The following SETDB2 variants were observed in gnomAD, a reference collection of about 807,000 sequenced individuals.
SETDB2 encodes the protein histone-lysine N-methyltransferase SETDB2.
In SETDB2, 56 loss-of-function variants were observed where a neutral mutation model predicts 82.5. The observed-to-expected ratio is 0.68, with a 90% confidence interval of 0.55 to 0.85. SETDB2 has a LOEUF of 0.85. Ranked by LOEUF, SETDB2 falls within the 40% of genes least tolerant of loss-of-function variation. The pLI, the probability that SETDB2 is intolerant of heterozygous loss-of-function variation, is 0.00. For missense variants in SETDB2, 677 were observed against 816.4 expected, an observed-to-expected ratio of 0.83 and a Z score of 2.08; for synonymous variants, 272 against 284.9, an observed-to-expected ratio of 0.95 and a Z score of 0.46.
At chr13:49,464,151 G>A (rs1010804499) in intron 4 of SETDB2, 2 of 728,690 alleles carry the variant, frequency 2.7e-6, no homozygotes, top group Admixed American at 3.9e-5. Context: ...AGATAAATGG[G>A]TCCTATGAGA....
At chr13:49,451,047 C>T (rs1957776050) in intron 1 of SETDB2, among the ~76,000 whole-genome samples, 3 of 151,026 alleles carry the variant, frequency 2.0e-5, no homozygotes. Flanking sequence ...TTGTATTATA[C>T]AAAAATATTA....
At chr13:49,488,184 T>G in intron 11 of SETDB2, 106 bp from the exon 12 acceptor site, 1 of 1,446,004 alleles carries the variant, frequency 6.9e-7, no homozygotes, top group Non-Finnish European at 9.1e-7. Context: ...TAACACATTG[T>G]AAGGATCGAT....
chr13:49,489,423 A>G (rs1171527208), intron 12 of SETDB2: 2 of 151,496 alleles, frequency 1.3e-5, no homozygotes, highest in Non-Finnish European at 2.9e-5. Context: ...CCTCTCCAAA[A>G]GGCTTGTTTG....
intron 5 of SETDB2, among the ~76,000 whole-genome samples, chr13:49,471,405 A>T (rs1028687961): frequency 6.6e-6 from 1 of 150,822 alleles, no homozygotes; most frequent in African/African-American, 2.4e-5. Context: ...TTGTGATTTT[A>T]GAAGTCTGAA....
At chr13:49,491,702 T>A (rs1232898388) in intron 13 of SETDB2, 30 bp from the exon 14 acceptor site, 1 of 1,502,786 alleles carries the variant, frequency 6.7e-7, no homozygotes, top group Non-Finnish European at 9.2e-7. Context: ...TAGGGTATTT[T>A]ATGATTCTTT....
intron 5 of SETDB2, among the ~76,000 whole-genome samples, 155 bp from the exon 6 acceptor site, chr13:49,476,321 T>C (rs1319886468): frequency 6.6e-6 from 1 of 152,164 alleles, no homozygotes; most frequent in South Asian, 2.1e-4. Context: ...AAAATAGATA[T>C]AATCTTTGTA....
intron 4 of SETDB2, among the ~76,000 whole-genome samples, chr13:49,465,970 CAG>C (rs1420763275): frequency 2.6e-5 from 4 of 152,106 alleles, no homozygotes; most frequent in South Asian, 4.1e-4. Context: ...ATAGGCAAAA[CAG>C]AGGTGTTGAA....
intron 4 of SETDB2, among the ~76,000 whole-genome samples, chr13:49,465,767 C>G (rs1338780778): frequency 6.6e-6 from 1 of 152,122 alleles, no homozygotes; most frequent in African/African-American, 2.4e-5. Context: ...AAACTCCTAA[C>G]CTCAGGTGAT....
At chr13:49,446,977 A>G (rs1314741925) in intron 1 of SETDB2, among the ~76,000 whole-genome samples, 2 of 152,180 alleles carry the variant, frequency 1.3e-5, no homozygotes, top group Non-Finnish European at 2.9e-5. Context: ...ACTAATTTAC[A>G]TGTTCCACAG....
In SETDB2 at chr13:49,492,740, C is replaced by T. The variant is rs1190235969; in HGVS notation, c.*891C>T. ...TTGAGAGGCCGAGGCAGGTGGATTA[C>T]TTGAGCCTAGGGGTTCAAGACCAGC... On this transcript the variant is annotated 3_prime_UTR_variant, in exon 14 of 14. Transcript: ENST00000611815. 1 of 152,202 alleles carries T rather than the reference C, an allele frequency of 6.6e-6. No homozygotes were observed. Among genetic ancestry groups the T allele is most frequent in the Non-Finnish European group, 1.5e-5 (1 of 68,064 alleles). 9.4% of individuals were successfully genotyped at this position (152,202 alleles called of 1,614,324 possible).
chr13:49,485,551 A>G, intron 10 of SETDB2, 79 bp from the exon 11 acceptor site: 1 of 1,069,758 alleles, frequency 9.3e-7, no homozygotes, highest in Admixed American at 2.0e-5. Flanking sequence ...ATGATGATTG[A>G]CACTTGATGA....
intron 6 of SETDB2, 77 bp from the exon 7 acceptor site, chr13:49,480,142 T>C (rs1958449160): frequency 2.2e-6 from 2 of 894,720 alleles, no homozygotes; most frequent in Non-Finnish European, 3.5e-6. Context: ...TTACATCATT[T>C]ACACATTTAT....
chr13:49,479,075 C>T (rs952312762), intron 6 of SETDB2, among the ~76,000 whole-genome samples: 4 of 151,972 alleles, frequency 2.6e-5, no homozygotes, highest in African/African-American at 9.7e-5. Context: ...TAGAATAATA[C>T]CTATAGTAAA....
At chr13:49,451,967 A>G (rs1440540248) in intron 2 of SETDB2, 58 bp downstream of exon 2, 7 of 1,266,152 alleles carry the variant, frequency 5.5e-6, no homozygotes, top group Non-Finnish European at 7.6e-6. Flanking sequence ...GTATATAGAC[A>G]ATGTAAGCTG....
intron 10 of SETDB2, among the ~76,000 whole-genome samples, chr13:49,485,399 A>C (rs1163563307): frequency 6.6e-6 from 1 of 152,248 alleles, no homozygotes; most frequent in Non-Finnish European, 1.5e-5. Context: ...ATTTCTTGAC[A>C]GTCTTTATAG....
At chr13:49,456,086 A>G (rs1429594299) in intron 2 of SETDB2, among the ~76,000 whole-genome samples, 4 of 152,124 alleles carry the variant, frequency 2.6e-5, no homozygotes, top group Non-Finnish European at 5.9e-5. Context: ...ATTATTTTTT[A>G]AATAGTTTGT....
At chr13:49,447,583 C>T (rs1235634827) in intron 1 of SETDB2, among the ~76,000 whole-genome samples, 2 of 152,060 alleles carry the variant, frequency 1.3e-5, no homozygotes, top group Admixed American at 1.3e-4. Flanking sequence ...AGGGGCCCCC[C>T]CACCTTCCAT....
At position 49,494,916 on chromosome 13, in the gene SETDB2, A is replaced by G. The variant is rs900360247; in HGVS notation, c.*3067A>G. ...TTATTTTTTAACTATAATTATATGC[A>G]TTTATGTTAGATTCACTGAAAACCT... On this transcript the variant is annotated 3_prime_UTR_variant, in exon 14 of 14. Transcript: ENST00000611815. The G allele has an allele frequency of 1.3e-5, 2 of 152,010 alleles. No individual in the cohort carries two copies. Among genetic ancestry groups the G allele is most frequent in the Non-Finnish European group, 2.9e-5 (2 of 68,018 alleles). The allele number at this position is 152,010 out of a possible 1,614,324, so 9.4% of individuals were successfully genotyped here. A position where few individuals can be genotyped will look rare whatever the true frequency, so the allele number is the denominator to read the frequency against.
At chr13:49,468,352 G>A (rs957228747) in intron 5 of SETDB2, among the ~76,000 whole-genome samples, 11 of 152,022 alleles carry the variant, frequency 7.2e-5, no homozygotes, top group Admixed American at 2.0e-4. Flanking sequence ...CTTAAGTAGT[G>A]TCTAAAAGTT....
Sources: allele counts gnomAD v4.1 joint callset (sites outside exome capture counted in the v4.1 genomes callset), GRCh38; gene constraint gnomAD v4.1.1; transcripts MANE v1.5; gene names NCBI Gene and HGNC (gene_info 2026-07-23, HGNC 2026-07-21).